The following RIT2 variants were observed in gnomAD, a reference collection of about 807,000 sequenced individuals.
The protein encoded by RIT2 is Ras like without CAAX 2, also known as GTP-binding protein Rit2.
RIT2 carries 24 observed loss-of-function variants against 23.7 expected under a neutral mutation model. The observed-to-expected ratio is 1.01, with a 90% CI of 0.73 to 1.43. The LOEUF (loss-of-function observed/expected upper bound fraction) is 1.43. Among genes scored for constraint, RIT2 ranks in the 40% most tolerant of loss-of-function variants. RIT2 has a pLI of 0.00. For missense variants in RIT2, 236 were observed against 266.9 expected, an observed-to-expected ratio of 0.88 and a Z score of 0.81; for synonymous variants, 107 against 91.1, an observed-to-expected ratio of 1.17 and a Z score of -0.99.
At chr18:43,089,020 T>C (rs1002631766) in intron 1 of RIT2, among the ~76,000 whole-genome samples, 4 of 152,098 alleles carry the variant, frequency 2.6e-5, no homozygotes, top group Admixed American at 1.3e-4. Context: ...TACACATGTA[T>C]GTTTTAAATA....
chr18:43,051,493 T>A (rs1005240841), intron 1 of RIT2, among the ~76,000 whole-genome samples: 5 of 152,070 alleles, frequency 3.3e-5, no homozygotes, highest in African/African-American at 1.2e-4. Flanking sequence ...AAAATTTCCA[T>A]CCAGGAGAGG....
At chr18:42,916,365 C>T (rs1482688924) in intron 4 of RIT2, among the ~76,000 whole-genome samples, 1 of 152,028 alleles carries the variant, frequency 6.6e-6, no homozygotes, top group Non-Finnish European at 1.5e-5. Flanking sequence ...GATTACTCAC[C>T]TTTACTTAGC....
chr18:42,805,025 C>T (rs1905643840), intron 4 of RIT2, among the ~76,000 whole-genome samples: 1 of 152,138 alleles, frequency 6.6e-6, no homozygotes, highest in Non-Finnish European at 1.5e-5. Context: ...AAAACATCCA[C>T]CTTTCTCTGA....
At chr18:42,925,393 A>T (rs1909155227) in intron 3 of RIT2, among the ~76,000 whole-genome samples, 1 of 151,950 alleles carries the variant, frequency 6.6e-6, no homozygotes, top group Admixed American at 6.6e-5. Flanking sequence ...TCATAATTAC[A>T]TTTCTTTGGA....
At chr18:42,951,904 G>A (rs1464942335) in intron 3 of RIT2, among the ~76,000 whole-genome samples, 10 of 152,056 alleles carry the variant, frequency 6.6e-5, no homozygotes, top group African/African-American at 2.4e-5. Context: ...TCACAGTTCC[G>A]CATGGCTAAG....
rs576177120 is a variant in RIT2 at position 42,873,135 on chromosome 18, C to T, written c.426+50437G>A. ...TATGACTGGGTGTGGAGACATTTTC[C>T]AAGGGGAATTCAAGATGCTGTTTAA... On this transcript the variant is annotated intron_variant, in intron 4 of 4. Coordinates refer to ENST00000326695, the MANE Select transcript of RIT2 (RefSeq NM_002930.4). Among the ~76,000 whole-genome samples the T allele has an allele frequency of 2.0e-5, 3 of 152,208 alleles. No individual in the cohort carries two copies. The South Asian group carries it at 6.2e-4, about 32-fold the overall frequency.
rs149697648 is a variant in RIT2 at position 42,778,629 on chromosome 18, G to A, written c.427-34909C>T. 2.9e-3 allele frequency among the ~76,000 whole-genome samples: 441 copies of A among 152,186 alleles called. 1 individual carries two copies. The highest frequency in any genetic ancestry group is 4.7e-3 in the Non-Finnish European group (319 of 68,022). On this transcript the variant is annotated intron_variant, in intron 4 of 4. Transcript: ENST00000326695. ...GCACCAGGTCCCCTGACAGCACCAGGCCAGCAACTCTGCAGTCACCATTAC... is the reference window on the plus strand; with the variant it reads ...GCACCAGGTCCCCTGACAGCACCAGACCAGCAACTCTGCAGTCACCATTAC...
intron 2 of RIT2, among the ~76,000 whole-genome samples, chr18:43,033,192 G>A (rs1911898016): frequency 6.6e-6 from 1 of 152,094 alleles, no homozygotes; most frequent in Non-Finnish European, 1.5e-5. Context: ...GGCATCTTTT[G>A]TGCTTTGAAT....
chr18:42,923,888 A>G (rs1014621828), intron 3 of RIT2, 125 bp from the exon 4 acceptor site: 8 of 758,786 alleles, frequency 1.1e-5, no homozygotes, highest in Non-Finnish European at 1.6e-5. Flanking sequence ...ATTTAATCAT[A>G]GGAGATTTCA....
At position 43,115,640 on chromosome 18, in the gene RIT2, A is replaced by G. The variant is rs1269305285; in HGVS notation, c.-121T>C. ...AAGGTTTTAGTACGAGGTAAGAACC[A>G]TCAGCGTCGGGCTGGCTGCTGGTCC... On this transcript the variant is annotated 5_prime_UTR_variant, in exon 1 of 5. It removes an upstream start codon present in the reference 5' UTR. Transcript: ENST00000326695. 25 of 1,384,248 alleles carry G rather than the reference A, an allele frequency of 1.8e-5. No individual in the cohort carries two copies. The highest frequency in any genetic ancestry group is 2.4e-5 in the Non-Finnish European group (25 of 1,059,296). 85.7% of individuals were successfully genotyped at this position (1,384,248 alleles called of 1,614,324 possible).
intron 4 of RIT2, among the ~76,000 whole-genome samples, chr18:42,869,869 C>T (rs1228008867): frequency 6.6e-6 from 1 of 152,176 alleles, no homozygotes; most frequent in Non-Finnish European, 1.5e-5. Flanking sequence ...GGATAATGTT[C>T]TTGGACCTTA....
At chr18:43,056,680 C>T (rs1912509855) in intron 1 of RIT2, among the ~76,000 whole-genome samples, 1 of 152,040 alleles carries the variant, frequency 6.6e-6, no homozygotes, top group African/African-American at 2.4e-5. Context: ...GAAATCTGGG[C>T]TTGGGAGCAA....
At chr18:43,106,776 T>G (rs1417333873) in intron 1 of RIT2, among the ~76,000 whole-genome samples, 1 of 152,074 alleles carries the variant, frequency 6.6e-6, no homozygotes, top group African/African-American at 2.4e-5. Context: ...GAAGCTGTGG[T>G]GTTAGCTGAA....
chr18:42,796,267 G>A (rs1905352721), intron 4 of RIT2, among the ~76,000 whole-genome samples: 2 of 152,068 alleles, frequency 1.3e-5, no homozygotes, highest in East Asian at 1.9e-4. Flanking sequence ...TGCCTTAAGA[G>A]CTGTAACACT....
intron 4 of RIT2, among the ~76,000 whole-genome samples, chr18:42,870,671 A>T (rs1481771992): frequency 6.6e-6 from 1 of 152,184 alleles, no homozygotes; most frequent in East Asian, 1.9e-4. Flanking sequence ...GCAAGAAAAC[A>T]ACCAATAGGG....
At chr18:43,090,224 A>T (rs763240450) in intron 1 of RIT2, among the ~76,000 whole-genome samples, 10 of 152,184 alleles carry the variant, frequency 6.6e-5, no homozygotes, top group Non-Finnish European at 1.2e-4. Flanking sequence ...ATGAACAGAC[A>T]CTTTTCAAAA....
At chr18:42,763,950 C>T (rs1238546952) in intron 4 of RIT2, among the ~76,000 whole-genome samples, 1 of 152,136 alleles carries the variant, frequency 6.6e-6, no homozygotes, top group African/African-American at 2.4e-5. Flanking sequence ...TTTTTGGCTT[C>T]ACTATAATCT....
chr18:42,747,433 C>T (rs995447305), intron 4 of RIT2, among the ~76,000 whole-genome samples: 2 of 152,022 alleles, frequency 1.3e-5, no homozygotes, highest in Non-Finnish European at 2.9e-5. Flanking sequence ...ATCCCATGCT[C>T]GTGGATGGGT....
intron 2 of RIT2, among the ~76,000 whole-genome samples, chr18:43,024,911 A>C (rs1391662787): frequency 1.5e-4 from 23 of 152,128 alleles, no homozygotes; most frequent in Admixed American, 1.4e-3. Context: ...AATGGCTATC[A>C]TTAACAAGCC....
Sources: allele counts gnomAD v4.1 joint callset (sites outside exome capture counted in the v4.1 genomes callset), GRCh38; gene constraint gnomAD v4.1.1; transcripts MANE v1.5; gene names NCBI Gene and HGNC (gene_info 2026-07-23, HGNC 2026-07-21).